Variants in PABPC4L observed in about 807,000 individuals in gnomAD.
PABPC4L encodes the protein poly(A) binding protein cytoplasmic 4 like, also known as polyadenylate-binding protein 4-like.
For missense variants in PABPC4L, 452 were observed against 451.4 expected (o/e 1.00, Z -0.01); for synonymous variants, 169 against 164.1 (o/e 1.03, Z -0.23).
At chr4:134,188,135 G>T in the PABPC4L span, among the ~76,000 whole-genome samples, 1 of 150,632 alleles carries the variant, frequency 6.6e-6, no homozygotes, top group South Asian at 2.1e-4. Context: ...TGTGTGTGTG[G>T]TTGCTCTAGA....
chr4:134,104,348 A>G, the PABPC4L span, among the ~76,000 whole-genome samples: 1 of 151,690 alleles, frequency 6.6e-6, no homozygotes, highest in Admixed American at 6.6e-5. Flanking sequence ...ACTCCTTGGC[A>G]GTCATCTAGG....
the PABPC4L span, among the ~76,000 whole-genome samples, chr4:133,961,233 CA>C: frequency 6.6e-6 from 1 of 152,174 alleles, no homozygotes; most frequent in Non-Finnish European, 1.5e-5. Context: ...GTTCACATCA[CA>C]AGACTCTGTG....
the PABPC4L span, among the ~76,000 whole-genome samples, chr4:134,164,040 G>T: frequency 6.6e-6 from 1 of 151,606 alleles, no homozygotes; most frequent in Admixed American, 6.6e-5. Context: ...GAGGCGGGCG[G>T]ATCACGAGGT....
At chr4:133,999,957 CTTTTAAG>C in the PABPC4L span, among the ~76,000 whole-genome samples, 4 of 152,060 alleles carry the variant, frequency 2.6e-5, no homozygotes, top group African/African-American at 9.6e-5. Flanking sequence ...TATGTATGTA[CTTTTAAG>C]TTTAAGTGCA....
the PABPC4L span, among the ~76,000 whole-genome samples, chr4:134,009,239 A>T: frequency 6.6e-6 from 1 of 151,960 alleles, no homozygotes; most frequent in Non-Finnish European, 1.5e-5. Flanking sequence ...AGGAGCAACT[A>T]AATTTTAAAA....
chr4:134,079,666 T>C, the PABPC4L span, among the ~76,000 whole-genome samples: 3 of 149,408 alleles, frequency 2.0e-5, no homozygotes, highest in Non-Finnish European at 4.4e-5. Flanking sequence ...TCTGTGTGTG[T>C]ATGTCTGTGT....
At chr4:134,116,047 C>T in the PABPC4L span, among the ~76,000 whole-genome samples, 5 of 151,712 alleles carry the variant, frequency 3.3e-5, no homozygotes, top group African/African-American at 1.2e-4. Flanking sequence ...TGTATAATTG[C>T]AGCATAAGTG....
At chr4:133,998,554 A>C in the PABPC4L span, among the ~76,000 whole-genome samples, 1 of 152,054 alleles carries the variant, frequency 6.6e-6, no homozygotes, top group Non-Finnish European at 1.5e-5. Context: ...CTTGAATATT[A>C]TAAACCCATT....
the PABPC4L span, among the ~76,000 whole-genome samples, chr4:133,962,209 T>C: frequency 6.6e-6 from 1 of 152,120 alleles, no homozygotes; most frequent in Non-Finnish European, 1.5e-5. Flanking sequence ...TCTGTTAATA[T>C]AACAAAACAA....
chr4:133,985,066 G>A, the PABPC4L span, among the ~76,000 whole-genome samples: 1 of 151,860 alleles, frequency 6.6e-6, no homozygotes, highest in Non-Finnish European at 1.5e-5. Context: ...ATCGAGCTAA[G>A]AATTTAAAAA....
chr4:133,975,717 G>T, the PABPC4L span, among the ~76,000 whole-genome samples: 1 of 152,082 alleles, frequency 6.6e-6, no homozygotes, highest in Non-Finnish European at 1.5e-5. Context: ...AGGAATCCTA[G>T]CTCAGTTCGG....
At chr4:133,985,712 T>A in the PABPC4L span, among the ~76,000 whole-genome samples, 1 of 151,978 alleles carries the variant, frequency 6.6e-6, no homozygotes, top group African/African-American at 2.4e-5. Flanking sequence ...GGCAGAAGTA[T>A]TTGGGGTTTG....
chr4:133,952,519 T>G, the PABPC4L span, among the ~76,000 whole-genome samples: 1 of 152,166 alleles, frequency 6.6e-6, no homozygotes, highest in Non-Finnish European at 1.5e-5. Context: ...TATGGTGACA[T>G]GCAGGGTTCC....
the PABPC4L span, among the ~76,000 whole-genome samples, chr4:134,079,468 A>C: frequency 6.7e-6 from 1 of 150,042 alleles, no homozygotes. Context: ...AGTCCCAGCT[A>C]CTCCAGAGGC....
chr4:134,088,110 A>G, the PABPC4L span, among the ~76,000 whole-genome samples: 2 of 151,268 alleles, frequency 1.3e-5, 1 homozygote, highest in Non-Finnish European at 3.0e-5. Context: ...TACCTCACCG[A>G]TCTCCCCTTC....
chr4:134,094,180 T>G, the PABPC4L span, among the ~76,000 whole-genome samples: 110 of 152,132 alleles, frequency 7.2e-4, no homozygotes, highest in African/African-American at 2.5e-3. Context: ...CGAAGCTTGA[T>G]GAAATGTTAC....
chr4:134,025,133 C>A, the PABPC4L span, among the ~76,000 whole-genome samples: 1 of 149,970 alleles, frequency 6.7e-6, no homozygotes, highest in African/African-American at 2.4e-5. Flanking sequence ...TAGTTTGAGA[C>A]CTGCCTGGCA....
At chr4:134,054,267 T>C in the PABPC4L span, among the ~76,000 whole-genome samples, 26 of 140,812 alleles carry the variant, frequency 1.8e-4, no homozygotes. Context: ...TATATATATA[T>C]ATATATATAT....
the PABPC4L span, among the ~76,000 whole-genome samples, chr4:134,015,599 G>A: frequency 1.4e-4 from 22 of 151,910 alleles, no homozygotes; most frequent in African/African-American, 3.1e-4. Context: ...TACCTATCTC[G>A]GCATAATTCT....
Sources: gnomAD v4.1 joint callset for allele counts (sites outside exome capture counted in the v4.1 genomes callset) on GRCh38, gnomAD v4.1.1 for gene constraint, MANE v1.5 for transcripts, NCBI Gene and HGNC (gene_info 2026-07-23, HGNC 2026-07-21) for gene names.